The following EGFR variants were observed in gnomAD, a reference collection of about 807,000 sequenced individuals.
EGFR encodes the protein epidermal growth factor receptor.
A neutral mutation model predicts 143.0 loss-of-function variants in EGFR; 58 were observed. The observed-to-expected ratio is 0.41, with a 90% confidence interval of 0.33 to 0.50. The LOEUF (loss-of-function observed/expected upper bound fraction) is 0.50. EGFR is among the 20% of genes least tolerant of loss of function. EGFR has a pLI of 0.39. For synonymous variants in EGFR, 613 were observed against 594.4 expected, an observed-to-expected ratio of 1.03 and a Z score of -0.45; for missense variants, 1,307 against 1,579.0, an observed-to-expected ratio of 0.83 and a Z score of 2.92.
rs1354746961 is a variant in EGFR at position 55,211,233 on chromosome 7, T to G, written c.*5616T>G. The G allele has an allele frequency of 6.6e-6, 1 of 151,524 alleles. No homozygotes were observed. 9.4% of individuals were successfully genotyped at this position (151,524 alleles called of 1,614,324 possible). A position where few individuals can be genotyped will look rare whatever the true frequency, so the allele number is the denominator to read the frequency against. On this transcript the variant is annotated 3_prime_UTR_variant, in exon 28 of 28. Transcript: ENST00000275493. ...ACATTTCTGGATGCATTTACTTATC[T>G]TTAAAAAAAAAGGAATCCTATGACC...
At chr7:55,167,941 G>T (rs527489362) in intron 15 of EGFR, among the ~76,000 whole-genome samples, 1 of 152,118 alleles carries the variant, frequency 6.6e-6, no homozygotes, top group African/African-American at 2.4e-5. Flanking sequence ...ATGTCTCAGC[G>T]TGAAAAACAA....
intron 1 of EGFR, among the ~76,000 whole-genome samples, chr7:55,136,726 C>T (rs1479751542): frequency 6.6e-6 from 1 of 152,194 alleles, no homozygotes; most frequent in Non-Finnish European, 1.5e-5. Context: ...TAGTTGATGT[C>T]TGATATGTTA....
chr7:55,050,700 A>T (rs1160052296), intron 1 of EGFR, among the ~76,000 whole-genome samples: 4 of 152,174 alleles, frequency 2.6e-5, no homozygotes. Context: ...CTTGCTTGTC[A>T]TCCTTGGCTA....
intron 19 of EGFR, among the ~76,000 whole-genome samples, chr7:55,178,951 A>G (rs1397898931): frequency 2.0e-5 from 3 of 152,224 alleles, no homozygotes; most frequent in Non-Finnish European, 4.4e-5. Flanking sequence ...TGAAGTAGGT[A>G]TGTGCCTAGA....
intron 1 of EGFR, among the ~76,000 whole-genome samples, chr7:55,118,555 G>A (rs1041909785): frequency 6.6e-6 from 1 of 152,164 alleles, no homozygotes; most frequent in South Asian, 2.1e-4. Context: ...CAACAAACAC[G>A]TGTCAACTGT....
intron 1 of EGFR, among the ~76,000 whole-genome samples, chr7:55,132,572 A>T (rs1793910433): frequency 6.6e-6 from 1 of 152,242 alleles, no homozygotes; most frequent in South Asian, 2.1e-4. Flanking sequence ...TAGGCAAGGT[A>T]GTCTTCTAAT....
intron 1 of EGFR, among the ~76,000 whole-genome samples, chr7:55,121,353 A>C (rs1280679991): frequency 6.6e-6 from 1 of 152,220 alleles, no homozygotes; most frequent in Non-Finnish European, 1.5e-5. Context: ...AGGAGGAGTC[A>C]ATGGGAGCCC....
chr7:55,091,890 A>ACACACACACC (rs1343006974), intron 1 of EGFR, among the ~76,000 whole-genome samples: 48 of 96,704 alleles, frequency 5.0e-4, no homozygotes, highest in Admixed American at 9.2e-4. Flanking sequence ...ACACACACAC[A>ACACACACACC]CCCTGAGAGA....
intron 1 of EGFR, among the ~76,000 whole-genome samples, chr7:55,027,990 AAATATATATATATATAT>A (rs1350351146): frequency 6.8e-4 from 44 of 64,874 alleles, no homozygotes; most frequent in East Asian, 1.5e-3. Flanking sequence ...AAAAAAAAAA[AAATATATATATATATAT>A]ATATATATAT....
chr7:55,050,461 G>A (rs542202553), intron 1 of EGFR, among the ~76,000 whole-genome samples: 2 of 152,314 alleles, frequency 1.3e-5, no homozygotes, highest in South Asian at 2.1e-4. Flanking sequence ...TCTTTTGTAC[G>A]TGTGGACCAC....
At chr7:55,158,830 G>T (rs940628349) in intron 11 of EGFR, among the ~76,000 whole-genome samples, 3 of 152,218 alleles carry the variant, frequency 2.0e-5, no homozygotes, top group Admixed American at 2.0e-4. Flanking sequence ...ATATGTGGGG[G>T]AGAATTCCTA....
At chr7:55,052,167 C>G (rs564027364) in intron 1 of EGFR, among the ~76,000 whole-genome samples, 1 of 152,276 alleles carries the variant, frequency 6.6e-6, no homozygotes, top group African/African-American at 2.4e-5. Flanking sequence ...TTTCCCTTAT[C>G]TAAAATATGA....
In EGFR at chr7:55,144,211, G is replaced by A. The variant is rs17336359; in HGVS notation, c.424+723G>A. Among the ~76,000 whole-genome samples, 66 of 152,274 alleles carry A rather than the reference G, an allele frequency of 4.3e-4. 1 individual carries two copies. In the Middle Eastern group the frequency reaches 0.017, roughly 39 times the overall value. Reference sequence around the variant, plus strand: ...ATGGCATCCTATCTGGCTGGACCCCGCCGAGGGTGAAGGCGTCATTAGGTC... The same window carrying A: ...ATGGCATCCTATCTGGCTGGACCCCACCGAGGGTGAAGGCGTCATTAGGTC... On this transcript the variant is annotated intron_variant, in intron 3 of 27. Coordinates refer to ENST00000275493, the MANE Select transcript of EGFR (RefSeq NM_005228.5).
At chr7:55,110,674 A>T (rs377750882) in intron 1 of EGFR, among the ~76,000 whole-genome samples, 2 of 152,244 alleles carry the variant, frequency 1.3e-5, no homozygotes, top group African/African-American at 4.8e-5. Context: ...CTGGGTTTCC[A>T]TTCTGTTTCC....
intron 1 of EGFR, among the ~76,000 whole-genome samples, chr7:55,065,459 G>T (rs1789439268): frequency 6.6e-6 from 1 of 152,180 alleles, no homozygotes; most frequent in East Asian, 1.9e-4. Flanking sequence ...TAACACATTT[G>T]TGTCTTTAAA....
chr7:55,028,548 C>T (rs1336872865), intron 1 of EGFR, among the ~76,000 whole-genome samples: 2 of 152,088 alleles, frequency 1.3e-5, no homozygotes, highest in African/African-American at 4.8e-5. Context: ...CATTGAATAC[C>T]TGAAAGCTTT....
At position 55,068,108 on chromosome 7, in the gene EGFR, C is replaced by CTG. The variant is rs143894730; in HGVS notation, c.88+48756_88+48757dup. Among the ~76,000 whole-genome samples, 11 of 144,330 alleles carry CTG rather than the reference C, an allele frequency of 7.6e-5. No individual in the cohort carries two copies. The East Asian group carries it at 7.8e-4, about 10-fold the overall frequency. 94.7% of individuals were successfully genotyped at this position (144,330 alleles called of 152,430 possible). A position where few individuals can be genotyped will look rare whatever the true frequency, so the allele number is the denominator to read the frequency against. On this transcript the variant is annotated intron_variant, in intron 1 of 27. Transcript: ENST00000275493. ...TGTGCACAGGTGTGTATGTGTGTGC[C>CTG]TGTGTGTGTGTGTGCATGTGTGGTG... is the stretch of plus-strand genomic sequence containing the variant.
chr7:55,119,091 G>A (rs181209052), intron 1 of EGFR: 48 of 152,278 alleles, frequency 3.2e-4, no homozygotes, highest in Non-Finnish European at 5.7e-4. Context: ...GCAAGAAGAG[G>A]AAGGCATCAT....
At position 55,152,633 on chromosome 7, in the gene EGFR, G is replaced by T. The variant is rs1447176163; in HGVS notation, c.716G>T (p.Gly239Val). 1 of 1,613,820 alleles carries T rather than the reference G, an allele frequency of 6.2e-7. No homozygotes were observed. Residue 239 changes from glycine to valine, a missense_variant, in exon 6 of 28, where the codon GGC (glycine) becomes GTC (valine). Gly to Val is a moderately radical substitution (Grantham distance 109). Around this residue, in one of 7 missense-constraint regions of EGFR, gnomAD observed 311 missense variants for 412.3 expected, o/e 0.75. Transcript: ENST00000275493. The part of the protein sequence containing the change: ...SDCCHNQCAA[G>V]CTGPRESDCL... ...TGCTGCCACAACCAGTGTGCTGCAG[G>T]CTGCACAGGCCCCCGGGAGAGCGAC...
Sources: gnomAD v4.1 joint callset for allele counts (sites outside exome capture counted in the v4.1 genomes callset) on GRCh38, gnomAD v4.1.1 for gene constraint, gnomAD v4.1.1 regional missense constraint, MANE v1.5 for transcripts, NCBI Gene and HGNC (gene_info 2026-07-23, HGNC 2026-07-21) for gene names.